Variants in CDHR5 observed in about 807,000 individuals in gnomAD.
CDHR5 encodes cadherin-related family member 5.
Under a neutral mutation model 69.5 loss-of-function variants are expected in CDHR5, and 82 were observed. The ratio of observed to expected loss-of-function variants is 1.18; its 90% CI spans 0.99 to 1.42. CDHR5 has a LOEUF of 1.42. Among genes scored for constraint, CDHR5 ranks in the 40% most tolerant of loss-of-function variants. The probability of loss-of-function intolerance (pLI) is 0.00; values close to 1 mark genes in which losing one functional copy is unlikely to be tolerated. For missense variants in CDHR5, 1,293 were observed against 1,168.9 expected (o/e 1.11, Z -1.55); for synonymous variants, 601 against 510.2 (o/e 1.18, Z -2.40).
Position 617,301 on chromosome 11 carries a change from A to G in CDHR5, c.*50T>C. 1 of 1,378,686 alleles carries G rather than the reference A, an allele frequency of 7.3e-7. No individual in the cohort carries two copies. The highest frequency in any genetic ancestry group is 1.3e-5 in the South Asian group (1 of 78,318). 85.4% of individuals were successfully genotyped at this position (1,378,686 alleles called of 1,614,324 possible). A position where few individuals can be genotyped will look rare whatever the true frequency, so the allele number is the denominator to read the frequency against. ...TCTGCCTCGGGTCGGAGGCTGGGGG[A>G]GCGAGACCTCCAGTGCCCGTGCGGC... On this transcript the variant is annotated 3_prime_UTR_variant, in exon 15 of 15. Transcript: ENST00000397542.
chr11:618,080 C>G lies in CDHR5; in HGVS notation c.1992G>C (p.Ser664=). The G allele has an allele frequency of 1.9e-6, 3 of 1,611,920 alleles. No homozygotes were observed. Among genetic ancestry groups the G allele is most frequent in the African/African-American group, 1.3e-5 (1 of 75,002 alleles). Residue 664 remains serine (S), a synonymous_variant, in exon 14 of 15, where the codon TCG becomes TCC. Coordinates refer to ENST00000397542, the MANE Select transcript of CDHR5 (RefSeq NM_021924.5). ...GGGPSEDKRF[S]VVDMAALGGV... ...CGCCCAGGGCCGCCATATCCACCAC[C>G]GAGAAGCGCTTGTCCTCCGAGGGGC...
In CDHR5 at chr11:620,114, C is replaced by T. The variant is rs775611430; in HGVS notation, c.931G>A (p.Val311Met). Residue 311 changes from valine (V) to methionine (M), a missense_variant, in exon 9 of 15, where the codon GTG becomes ATG. Physicochemically the swap from Val to Met is conservative, Grantham distance 21. Transcript: ENST00000397542. ...ATGGGGCTGGGGACACTCCTGGCCA[C>T]GGTGAGGTTGCCCGAGTCTGGGTGG... ...IIHPDSGNLT[V>M]ARSVPSPMTF... The T allele has an allele frequency of 3.2e-5, 52 of 1,613,428 alleles. No individual in the cohort carries two copies. The highest frequency in any genetic ancestry group is 1.6e-4 in the Middle Eastern group (1 of 6,078).
At chr11:622,460 G>T (rs1418623228) in intron 3 of CDHR5, among the ~76,000 whole-genome samples, 6 of 149,500 alleles carry the variant, frequency 4.0e-5, no homozygotes, top group Non-Finnish European at 7.4e-5. Flanking sequence ...TTGTTTTTTG[G>T]TTTTTGGGTT....
rs372298618 is a variant in CDHR5 at position 620,414 on chromosome 11, G to A, written c.790-28C>T. On this transcript the variant is annotated intron_variant, in intron 7 of 14. Transcript: ENST00000397542. ...TCAGGGATGGCGGAAGGGAGGGCAC[G>A]TCGTGGGGCTGGGGTGGATGGCCCC... The A allele has an allele frequency of 1.4e-4, 218 of 1,516,246 alleles. 3 individuals carry two copies. The highest frequency in any genetic ancestry group is 7.9e-4 in the South Asian group (66 of 83,934). 93.9% of individuals were successfully genotyped at this position (1,516,246 alleles called of 1,614,324 possible).
rs545746098 is a variant in CDHR5 at position 619,192 on chromosome 11, G to C, written c.1379-12C>G. On this transcript the variant is annotated splice_polypyrimidine_tract_variant and intron_variant, in intron 12 of 14. Coordinates refer to ENST00000397542, the MANE Select transcript of CDHR5 (RefSeq NM_021924.5). ...GGATGGGGGGACATCTGGGGGCCGG[G>C]AACAGTGCTTGGGCTTGCCTCTGCC... is the stretch of plus-strand genomic sequence containing the variant. 1 of 1,510,114 alleles carries C rather than the reference G, an allele frequency of 6.6e-7. No homozygotes were observed. The highest frequency in any genetic ancestry group is 1.2e-5 in the South Asian group (1 of 81,368). The allele number at this position is 1,510,114 out of a possible 1,614,324, so 93.5% of individuals were successfully genotyped here. A position where few individuals can be genotyped will look rare whatever the true frequency, so the allele number is the denominator to read the frequency against.
chr11:624,183 T>C lies in CDHR5; in HGVS notation c.312+30A>G, dbSNP rs958339649. On this transcript the variant is annotated intron_variant, in intron 3 of 14. Coordinates refer to ENST00000397542, the MANE Select transcript of CDHR5 (RefSeq NM_021924.5). This position sits in a 1 kb window ranked among gnomAD's most constrained non-coding sequence, Gnocchi z 5.3. ...GCAGAGCCCAGCAGAGGTGGCCGGG[T>C]GGGGCGGGGAGAGCGGGGCGGGGAC... The C allele has an allele frequency of 1.5e-6, 1 of 678,688 alleles. No individual in the cohort carries two copies. The highest frequency in any genetic ancestry group is 1.9e-5 in the Admixed American group (1 of 51,374). 42.0% of individuals were successfully genotyped at this position (678,688 alleles called of 1,614,324 possible). A position where few individuals can be genotyped will look rare whatever the true frequency, so the allele number is the denominator to read the frequency against.
chr11:619,437 C>T (rs1386563960), intron 11 of CDHR5, 37 bp downstream of exon 11: 4 of 1,607,578 alleles, frequency 2.5e-6, no homozygotes, highest in African/African-American at 1.3e-5. Flanking sequence ...CTTTAAGCCC[C>T]ACACCCTTGG....
chr11:617,437 C>T lies in CDHR5; in HGVS notation c.2452G>A (p.Asp818Asn), dbSNP rs200173856. Residue 818 changes from aspartate (D) to asparagine (N), a missense_variant, in exon 15 of 15, where the codon GAC becomes AAC. Transcript: ENST00000397542. ...TCGCCCTCATCGCCGCTGCCGGAGT[C>T]ACTGGCGCCATCCACGTCCAGGGTG... ...APTLDVDGAS[D>N]SGSGDEGEGA... 4.9e-4 allele frequency: 789 copies of T among 1,612,460 alleles called. 2 individuals are homozygous for T. Among genetic ancestry groups the T allele is most frequent in the Non-Finnish European group, 2.9e-5 (34 of 1,179,704 alleles).
rs374230585 is a variant in CDHR5, at chr11:621,688, C to T, written c.406-25G>A. ...CCTGGGGAGGGAGAGGGGCTTGGTC[C>T]GGCCACACTCTTGGCCCCTGTGGAC... On this transcript the variant is annotated intron_variant, in intron 4 of 14. Coordinates refer to ENST00000397542, the MANE Select transcript of CDHR5 (RefSeq NM_021924.5). This position sits in a 1 kb window ranked among gnomAD's most constrained non-coding sequence, Gnocchi z 4.4. 130 of 1,579,596 alleles carry T rather than the reference C, an allele frequency of 8.2e-5. No individual in the cohort carries two copies. Among genetic ancestry groups the T allele is most frequent in the East Asian group, 3.8e-4 (17 of 44,760 alleles).
Position 619,663 on chromosome 11 carries a change from C to T in CDHR5, c.1179+18G>A. ...CCTGACCCACCCACAGAGGGGAGGC[C>T]TTGGATGCACTCTCTACCGAGAACT... is the stretch of plus-strand genomic sequence containing the variant. On this transcript the variant is annotated intron_variant, in intron 10 of 14. Coordinates refer to ENST00000397542, the MANE Select transcript of CDHR5 (RefSeq NM_021924.5). 6.2e-7 allele frequency: 1 copy of T among 1,612,906 alleles called. No homozygotes were observed. Among genetic ancestry groups the T allele is most frequent in the Non-Finnish European group, 8.5e-7 (1 of 1,179,428 alleles).
At position 617,328 on chromosome 11, in the gene CDHR5, G is replaced by T; in HGVS notation, c.*23C>A. On this transcript the variant is annotated 3_prime_UTR_variant, in exon 15 of 15. Transcript: ENST00000397542. Reference sequence around the variant, plus strand: ...CGAGACCTCCAGTGCCCGTGCGGCTGGGGGAGAGGGTGGAGGGGCCACTTA... The same window carrying T: ...CGAGACCTCCAGTGCCCGTGCGGCTTGGGGAGAGGGTGGAGGGGCCACTTA... 1.3e-6 allele frequency: 2 copies of T among 1,553,900 alleles called. No homozygotes were observed. The highest frequency in any genetic ancestry group is 1.7e-5 in the Admixed American group (1 of 57,820).
Position 624,739 on chromosome 11 carries a change from G to A in CDHR5, c.86-7C>T. The A allele has an allele frequency of 1.2e-6, 2 of 1,604,966 alleles. No homozygotes were observed. The highest frequency in any genetic ancestry group is 1.1e-5 in the South Asian group (1 of 90,316). On this transcript the variant is annotated splice_polypyrimidine_tract_variant and splice_region_variant and intron_variant, in intron 1 of 14. Transcript: ENST00000397542. This position sits in a 1 kb window ranked among gnomAD's most constrained non-coding sequence, Gnocchi z 5.3. Reference sequence around the variant, plus strand: ...TCCTTGTTCACAGAGCAGTCTGTAAGGTTGCAGAGGAGGGATCAGTGCCTC... The same window carrying A: ...TCCTTGTTCACAGAGCAGTCTGTAAAGTTGCAGAGGAGGGATCAGTGCCTC...
At chr11:618,134 C>A (rs1857094620) in intron 13 of CDHR5, 23 bp from the exon 14 acceptor site, 1 of 1,594,392 alleles carries the variant, frequency 6.3e-7, no homozygotes, top group Non-Finnish European at 8.6e-7. Flanking sequence ...TGGAAAACGT[C>A]ATCATCCCCG....
Position 621,635 on chromosome 11 carries a change from G to A in CDHR5, c.434C>T (p.Pro145Leu), listed in dbSNP as rs758844101. Residue 145 changes from proline to leucine, a missense_variant, in exon 5 of 15, where the codon CCC (proline) becomes CTC (leucine). Pro to Leu is a moderately conservative substitution (Grantham distance 98). Coordinates refer to ENST00000397542, the MANE Select transcript of CDHR5 (RefSeq NM_021924.5). The surrounding 1 kb of genome is among the most constrained non-coding windows in gnomAD (Gnocchi z 4.4). ...GTCCTCAGCCTGCAGTTGCGTCTCG[G>A]GGATGACGGTGGAGTTCACTTTCGT... ...EDTKVNSTVI[P>L]ETQLQAEDRD... 6.1e-5 allele frequency: 98 copies of A among 1,613,524 alleles called. No homozygotes were observed. In the South Asian group the frequency reaches 7.0e-4, roughly 12 times the overall value.
Position 617,770 on chromosome 11 carries a change from C to G in CDHR5, c.2119G>C (p.Glu707Gln), listed in dbSNP as rs957715577. ...RLKCCCGKAP[E>Q]PQPQGFDNQA... Reference sequence around the variant, plus strand: ...TTGTCAAAGCCTTGGGGCTGGGGCTCCTGCAGGCGGGAGTCGAGGCGTCAG... The same window carrying G: ...TTGTCAAAGCCTTGGGGCTGGGGCTGCTGCAGGCGGGAGTCGAGGCGTCAG... Residue 707 changes from glutamate to glutamine, a missense_variant and splice_region_variant, in exon 15 of 15, where the codon GAG becomes CAG. Glu to Gln is a conservative substitution (Grantham distance 29). Transcript: ENST00000397542. The G allele has an allele frequency of 1.4e-6, 2 of 1,452,684 alleles. No homozygotes were observed. Among genetic ancestry groups the G allele is most frequent in the Admixed American group, 2.7e-5 (1 of 36,440 alleles). 90.0% of individuals were successfully genotyped at this position (1,452,684 alleles called of 1,614,324 possible).
chr11:617,341 G>C lies in CDHR5; in HGVS notation c.*10C>G, dbSNP rs1392045610. On this transcript the variant is annotated 3_prime_UTR_variant, in exon 15 of 15. Transcript: ENST00000397542. ...GCCCGTGCGGCTGGGGGAGAGGGTGGAGGGGCCACTTAGATGTAGGAGTCA... is the reference window on the plus strand; with the variant it reads ...GCCCGTGCGGCTGGGGGAGAGGGTGCAGGGGCCACTTAGATGTAGGAGTCA... 1 of 1,580,582 alleles carries C rather than the reference G, an allele frequency of 6.3e-7. No homozygotes were observed. Among genetic ancestry groups the C allele is most frequent in the Non-Finnish European group, 8.7e-7 (1 of 1,155,864 alleles).
Position 617,482 on chromosome 11 carries a change from C to A in CDHR5, c.2407G>T (p.Val803Leu), listed in dbSNP as rs775311797. ...FGEDIGTEAD[V>L]VVLNAPTLDV... ...AGGGTGGGCGCGTTGAGAACGACCA[C>A]GTCTGCCTCCGTCCCGATGTCCTCG... The change falls in exon 15 of 15, where the codon GTG (valine) becomes TTG (leucine). Residue 803 changes from valine (V) to leucine (L), a missense_variant. Val to Leu is a conservative substitution (Grantham distance 32). Transcript: ENST00000397542. 6.2e-6 allele frequency: 10 copies of A among 1,612,628 alleles called. No homozygotes were observed. Among genetic ancestry groups the A allele is most frequent in the Non-Finnish European group, 1.7e-6 (2 of 1,179,874 alleles).
At position 617,085 on chromosome 11, in the gene CDHR5, C is replaced by T. The variant is rs1258529384; in HGVS notation, c.*266G>A. The T allele has an allele frequency of 3.3e-5, 17 of 517,758 alleles. No individual in the cohort carries two copies. The highest frequency in any genetic ancestry group is 4.8e-5 in the Non-Finnish European group (14 of 292,702). 32.1% of individuals were successfully genotyped at this position (517,758 alleles called of 1,614,324 possible). On this transcript the variant is annotated 3_prime_UTR_variant, in exon 15 of 15. Transcript: ENST00000397542. ...TAGCTGGCACAGAGCCTCGGGAAGG[C>T]GGCGGGCACTGCAGGTGGTTTACGG...
intron 7 of CDHR5, among the ~76,000 whole-genome samples, chr11:620,768 G>T (rs1385084552): frequency 6.6e-6 from 1 of 152,108 alleles, no homozygotes; most frequent in African/African-American, 2.4e-5. Context: ...GGGCCCAGTG[G>T]TGACTGTGAG....
Sources: allele counts gnomAD v4.1 joint callset (sites outside exome capture counted in the v4.1 genomes callset), GRCh38; gene constraint gnomAD v4.1.1; non-coding constraint Gnocchi (gnomAD v3.1); transcripts MANE v1.5; gene names NCBI Gene and HGNC (gene_info 2026-07-23, HGNC 2026-07-21).